FBXO38: variants seen among roughly 807,000 people sequenced by gnomAD.
FBXO38 encodes the protein F-box only protein 38.
In FBXO38, 53 loss-of-function variants were observed where a neutral mutation model predicts 131.9. The ratio of observed to expected loss-of-function variants is 0.40; its 90% CI spans 0.32 to 0.51. The LOEUF (loss-of-function observed/expected upper bound fraction) is 0.51, where lower values mean the gene tolerates loss of function less well. FBXO38 is among the 20% of genes least tolerant of loss of function. The probability of loss-of-function intolerance (pLI) is 0.53; values close to 1 mark genes in which losing one functional copy is unlikely to be tolerated. For synonymous variants in FBXO38, 452 were observed against 505.6 expected (o/e 0.89, Z 1.42); for missense variants, 1,076 against 1,475.6 (o/e 0.73, Z 4.44).
At chr5:148,395,050 C>T in intron 2 of FBXO38, 146 bp downstream of exon 2, 1 of 823,368 alleles carries the variant, frequency 1.2e-6, no homozygotes, top group South Asian at 2.3e-5. Context: ...GTCAGTTGCA[C>T]TGGCTACATT....
chr5:148,435,374 G>C (rs1754287240), intron 17 of FBXO38, among the ~76,000 whole-genome samples: 1 of 152,208 alleles, frequency 6.6e-6, no homozygotes, highest in Admixed American at 6.5e-5. Context: ...CTTCCTTGGT[G>C]TTCACAACTT....
At position 148,424,124 on chromosome 5, in the gene FBXO38, A is replaced by C. The variant is rs752136661; in HGVS notation, c.1738+7A>C. ...GTTGATGAGGAACAAGCAGGTAATCATGTGATCCATCCCACATTCATCATT... is the reference window on the plus strand; with the variant it reads ...GTTGATGAGGAACAAGCAGGTAATCCTGTGATCCATCCCACATTCATCATT... On this transcript the variant is annotated splice_region_variant and intron_variant, in intron 13 of 21. Coordinates refer to ENST00000340253, the MANE Select transcript of FBXO38 (RefSeq NM_205836.3). 3.7e-6 allele frequency: 6 copies of C among 1,610,150 alleles called. No homozygotes were observed. In the South Asian group the frequency reaches 6.6e-5, roughly 18 times the overall value.
intron 12 of FBXO38, 49 bp downstream of exon 12, chr5:148,417,253 T>C: frequency 4.6e-6 from 6 of 1,295,718 alleles, no homozygotes; most frequent in Non-Finnish European, 6.7e-6. Context: ...TTTCACTTTG[T>C]ATTGTATTTC....
At chr5:148,408,632 G>A (rs1018359183) in intron 7 of FBXO38, among the ~76,000 whole-genome samples, 13 of 152,124 alleles carry the variant, frequency 8.5e-5, no homozygotes, top group African/African-American at 2.9e-4. Flanking sequence ...CAAACTTTGT[G>A]ATTTTATTTA....
At chr5:148,386,567 G>A (rs1757923711) in intron 1 of FBXO38, among the ~76,000 whole-genome samples, 1 of 152,058 alleles carries the variant, frequency 6.6e-6, no homozygotes, top group Non-Finnish European at 1.5e-5. Context: ...AGTGTCTCTG[G>A]TCCTCTTCAA....
chr5:148,426,964 A>T (rs1188559740), intron 14 of FBXO38, among the ~76,000 whole-genome samples: 1 of 152,180 alleles, frequency 6.6e-6, no homozygotes, highest in Non-Finnish European at 1.5e-5. Context: ...AGGGTACGAC[A>T]TGGAAAGATG....
chr5:148,429,291 C>T (rs1053578516), intron 15 of FBXO38, among the ~76,000 whole-genome samples: 5 of 151,458 alleles, frequency 3.3e-5, no homozygotes, highest in Middle Eastern at 3.4e-3. Flanking sequence ...CAGTTTAGTT[C>T]CTTAGTTCAG....
At chr5:148,405,001 T>G (rs1369465052) in intron 6 of FBXO38, among the ~76,000 whole-genome samples, 179 bp downstream of exon 6, 2 of 151,724 alleles carry the variant, frequency 1.3e-5, no homozygotes, top group Non-Finnish European at 2.9e-5. Flanking sequence ...AAAGATGATT[T>G]GTGTTTGACC....
At chr5:148,399,277 G>C (rs770763054) in intron 3 of FBXO38, 145 bp downstream of exon 3, 65 of 874,698 alleles carry the variant, frequency 7.4e-5, no homozygotes, top group Non-Finnish European at 1.1e-4. Flanking sequence ...TATTTATGTT[G>C]GGTTTTAGGT....
chr5:148,395,337 T>C (rs537019978), intron 2 of FBXO38, among the ~76,000 whole-genome samples: 16 of 152,278 alleles, frequency 1.1e-4, no homozygotes, highest in Middle Eastern at 3.4e-3. Context: ...ATGTAAGTGA[T>C]TGTAACTAAG....
At chr5:148,441,297 T>C (rs1754671715) in intron 21 of FBXO38, 60 bp downstream of exon 21, 1 of 1,210,574 alleles carries the variant, frequency 8.3e-7, no homozygotes, top group South Asian at 1.3e-5. Flanking sequence ...CTGTGTTACA[T>C]ACTTAATATC....
Position 148,442,378 on chromosome 5 carries a change from T to TA in FBXO38, c.*236dup. The stretch of plus-strand genomic sequence containing the variant: ...TATCATATGTTTATACAATTTAATT[T>TA]AAAAATTCATTTTAAGGAAGACAGA... On this transcript the variant is annotated 3_prime_UTR_variant, in exon 22 of 22. Transcript: ENST00000340253. 1 of 318,976 alleles carries TA rather than the reference T, an allele frequency of 3.1e-6. No individual in the cohort carries two copies. Among genetic ancestry groups the TA allele is most frequent in the Non-Finnish European group, 5.6e-6 (1 of 177,384 alleles). The allele number at this position is 318,976 out of a possible 1,614,324, so 19.8% of individuals were successfully genotyped here.
At chr5:148,438,263 G>A (rs995384764) in intron 17 of FBXO38, 69 bp from the exon 18 acceptor site, 1 of 1,435,328 alleles carries the variant, frequency 7.0e-7, no homozygotes. Flanking sequence ...AGTATTTTGT[G>A]CCAACAAAAA....
chr5:148,432,108 A>G, intron 15 of FBXO38, among the ~76,000 whole-genome samples: 1 of 152,202 alleles, frequency 6.6e-6, no homozygotes, highest in South Asian at 2.1e-4. Context: ...TACTGATAGT[A>G]CAGAATTACC....
At chr5:148,424,377 T>G (rs759837468) in intron 13 of FBXO38, among the ~76,000 whole-genome samples, 6 of 152,228 alleles carry the variant, frequency 3.9e-5, no homozygotes, top group Non-Finnish European at 8.8e-5. Context: ...TCCATGTATG[T>G]GTAGAAAAAG....
chr5:148,403,188 A>G (rs1226726199), intron 5 of FBXO38, among the ~76,000 whole-genome samples: 1 of 152,136 alleles, frequency 6.6e-6, no homozygotes, highest in Non-Finnish European at 1.5e-5. Context: ...CTTAAGGTCA[A>G]AGACTTATTT....
intron 13 of FBXO38, among the ~76,000 whole-genome samples, chr5:148,425,001 T>C (rs1753635132): frequency 6.6e-6 from 1 of 152,234 alleles, no homozygotes; most frequent in Non-Finnish European, 1.5e-5. Context: ...TCAACCAAAA[T>C]GTAACATGCG....
In FBXO38 at chr5:148,433,721, G is replaced by C; in HGVS notation, c.2841G>C (p.Lys947Asn). Residue 947 changes from lysine to asparagine, a missense_variant, in exon 17 of 22, where the codon AAG becomes AAC. By Grantham distance (94) the Lys-to-Asn change is moderately conservative (BLOSUM62 0). Transcript: ENST00000340253. The part of the protein sequence containing the change: ...ITDLVLKDCP[K>N]MMFIHATRCR... The stretch of plus-strand genomic sequence containing the variant: ...ATCTAGTGCTAAAAGACTGTCCAAA[G>C]ATGATGTTCATCCATGGTATGTATT... The C allele has an allele frequency of 6.2e-7, 1 of 1,602,706 alleles. No homozygotes were observed. The highest frequency in any genetic ancestry group is 8.5e-7 in the Non-Finnish European group (1 of 1,172,452).
At chr5:148,396,735 C>T (rs60746551) in intron 2 of FBXO38, among the ~76,000 whole-genome samples, 12,529 of 152,102 alleles carry the variant, frequency 0.082, 1,019 homozygotes, top group East Asian at 0.33. Flanking sequence ...TTAAGCAATC[C>T]TTTTGCCTTA....
Sources: gnomAD v4.1 joint callset for allele counts (sites outside exome capture counted in the v4.1 genomes callset) on GRCh38, gnomAD v4.1.1 for gene constraint, MANE v1.5 for transcripts, NCBI Gene and HGNC (gene_info 2026-07-23, HGNC 2026-07-21) for gene names.